Variants in LRRC7 observed in about 807,000 individuals in gnomAD.
The protein encoded by LRRC7 is leucine rich repeat containing 7.
A neutral mutation model predicts 175.7 loss-of-function variants in LRRC7; 23 were observed. The ratio of observed to expected loss-of-function variants is 0.13; its 90% CI spans 0.09 to 0.19. The LOEUF (loss-of-function observed/expected upper bound fraction) is 0.19. Among genes scored for constraint, LRRC7 ranks in the 10% least tolerant of loss-of-function variants. The pLI, the probability that LRRC7 is intolerant of heterozygous loss-of-function variation, is 1.00. For missense variants in LRRC7, 1,354 were observed against 1,904.7 expected (o/e 0.71, Z 5.38); for synonymous variants, 685 against 680.9 (o/e 1.01, Z -0.09).
chr1:69,611,056 T>C (rs1317943027), intron 1 of LRRC7, among the ~76,000 whole-genome samples: 1 of 152,002 alleles, frequency 6.6e-6, no homozygotes, highest in Non-Finnish European at 1.5e-5. Flanking sequence ...GTAAACACAT[T>C]GTGTTTTCAT....
chr1:69,704,003 T>C (rs1663708683), intron 2 of LRRC7, among the ~76,000 whole-genome samples: 2 of 152,030 alleles, frequency 1.3e-5, no homozygotes, highest in African/African-American at 4.8e-5. Flanking sequence ...ACCTTTAAGA[T>C]TTTTGTAACA....
At chr1:70,044,222 G>T (rs1660152960) in intron 22 of LRRC7, 128 bp downstream of exon 22, 1 of 858,366 alleles carries the variant, frequency 1.2e-6, no homozygotes, top group East Asian at 2.6e-5. Flanking sequence ...AAAAGCACAA[G>T]GGCAAGTAAT....
At chr1:69,774,506 T>C (rs951419200) in intron 3 of LRRC7, among the ~76,000 whole-genome samples, 1 of 152,138 alleles carries the variant, frequency 6.6e-6, no homozygotes, top group African/African-American at 2.4e-5. Flanking sequence ...GTATATGAAA[T>C]TGATGCTTAA....
intron 25 of LRRC7, among the ~76,000 whole-genome samples, chr1:70,096,901 C>T (rs1177071553): frequency 5.9e-5 from 9 of 152,270 alleles, no homozygotes; most frequent in Admixed American, 5.2e-4. Context: ...TAAATCTTTG[C>T]TGATTCTGCT....
At chr1:69,889,531 G>C (rs1645767592) in intron 7 of LRRC7, among the ~76,000 whole-genome samples, 1 of 152,120 alleles carries the variant, frequency 6.6e-6, no homozygotes, top group South Asian at 2.1e-4. Context: ...CTTTCGCTAG[G>C]TGCAGTGACT....
chr1:70,040,687 G>T (rs1342954356), intron 21 of LRRC7, among the ~76,000 whole-genome samples: 1 of 152,086 alleles, frequency 6.6e-6, no homozygotes, highest in Non-Finnish European at 1.5e-5. Flanking sequence ...GGTGGCGCAC[G>T]CCTGTAATCC....
At chr1:69,812,754 T>C (rs1678075372) in intron 4 of LRRC7, among the ~76,000 whole-genome samples, 1 of 152,172 alleles carries the variant, frequency 6.6e-6, no homozygotes, top group African/African-American at 2.4e-5. Context: ...ATATGCATTA[T>C]TCCTATTATA....
rs115331561 is a variant in LRRC7 at position 69,902,526 on chromosome 1, G to A, written c.648-28981G>A. Reference sequence around the variant, plus strand: ...GTGGAGGTTGCAGTGAGCTGAGATTGCCATTGCATTCCAGCCTGTGTGACA... The same window carrying A: ...GTGGAGGTTGCAGTGAGCTGAGATTACCATTGCATTCCAGCCTGTGTGACA... On this transcript the variant is annotated intron_variant, in intron 7 of 26. Coordinates refer to ENST00000651989, the MANE Select transcript of LRRC7 (RefSeq NM_001370785.2). 3.8e-3 allele frequency among the ~76,000 whole-genome samples: 580 copies of A among 152,178 alleles called. 3 individuals are homozygous for A. Among genetic ancestry groups the A allele is most frequent in the Non-Finnish European group, 5.8e-3 (397 of 68,018 alleles).
intron 23 of LRRC7, among the ~76,000 whole-genome samples, chr1:70,066,871 T>C (rs1662017973): frequency 6.6e-6 from 1 of 152,076 alleles, no homozygotes. Context: ...TAATTTAGTT[T>C]TTCTTCATCA....
chr1:70,018,339 T>G (rs1003470318), intron 14 of LRRC7, among the ~76,000 whole-genome samples: 2 of 152,076 alleles, frequency 1.3e-5, no homozygotes, highest in African/African-American at 2.4e-5. Flanking sequence ...TAGCATAAAT[T>G]TGATAGCAAA....
At chr1:69,883,380 T>G (rs1156614624) in intron 7 of LRRC7, among the ~76,000 whole-genome samples, 4 of 126,106 alleles carry the variant, frequency 3.2e-5, no homozygotes, top group East Asian at 2.6e-4. Flanking sequence ...ATGAGCATTT[T>G]TTCATGTGTT....
chr1:69,809,648 G>A (rs940372438), intron 4 of LRRC7, among the ~76,000 whole-genome samples: 10 of 151,966 alleles, frequency 6.6e-5, no homozygotes, highest in Non-Finnish European at 1.3e-4. Context: ...GTAATCCATC[G>A]CATAAACAGA....
At position 70,138,124 on chromosome 1, in the gene LRRC7, T is replaced by G. The variant is rs1666938585; in HGVS notation, c.*16237T>G. 6.6e-6 allele frequency: 1 copy of G among 152,224 alleles called. No individual in the cohort carries two copies. Among genetic ancestry groups the G allele is most frequent in the South Asian group, 2.1e-4 (1 of 4,826 alleles). The allele number at this position is 152,224 out of a possible 1,614,324, so 9.4% of individuals were successfully genotyped here. ...TTTCCTTGTAGAAACTTAGTGTCAT[T>G]GCGCATCAACTTAGAAAATGTGAAT... On this transcript the variant is annotated 3_prime_UTR_variant, in exon 27 of 27. Coordinates refer to ENST00000651989, the MANE Select transcript of LRRC7 (RefSeq NM_001370785.2).
In LRRC7 at chr1:69,870,665, A is replaced by G. The variant is rs572422715; in HGVS notation, c.647+32382A>G. Among the ~76,000 whole-genome samples the G allele has an allele frequency of 9.9e-5, 15 of 152,120 alleles. 1 individual carries two copies. The South Asian group carries it at 3.1e-3, about 32-fold the overall frequency. On this transcript the variant is annotated intron_variant, in intron 7 of 26. Coordinates refer to ENST00000651989, the MANE Select transcript of LRRC7 (RefSeq NM_001370785.2). Reference sequence around the variant, plus strand: ...CCTAGAATTCCTTCTCTTTTTTTGTATAGTAAACGCTTATGGAGAAATAAA... The same window carrying G: ...CCTAGAATTCCTTCTCTTTTTTTGTGTAGTAAACGCTTATGGAGAAATAAA...
rs192576403 is a variant in LRRC7, at chr1:70,128,080, G to A, written c.*6193G>A. Among the ~76,000 whole-genome samples the A allele has an allele frequency of 6.6e-6, 1 of 152,168 alleles. No homozygotes were observed. The highest frequency in any genetic ancestry group is 1.9e-4 in the East Asian group (1 of 5,164). On this transcript the variant is annotated 3_prime_UTR_variant, in exon 27 of 27. Transcript: ENST00000651989. Reference sequence around the variant, plus strand: ...GAGTTCAGGCAATTCTCATGTCTCAGCCTCCTGAGTAGCTGGGATTACAGG... The same window carrying A: ...GAGTTCAGGCAATTCTCATGTCTCAACCTCCTGAGTAGCTGGGATTACAGG...
At chr1:69,618,155 G>T (rs1649984418) in intron 1 of LRRC7, among the ~76,000 whole-genome samples, 1 of 152,018 alleles carries the variant, frequency 6.6e-6, no homozygotes. Context: ...AGGAACTCTG[G>T]CTCCAAGCTC....
intron 25 of LRRC7, among the ~76,000 whole-genome samples, chr1:70,094,369 G>A (rs1664240770): frequency 6.6e-6 from 1 of 151,786 alleles, no homozygotes; most frequent in Admixed American, 6.6e-5. Flanking sequence ...CCATAGAAAT[G>A]ATAGAAAAAA....
intron 7 of LRRC7, among the ~76,000 whole-genome samples, chr1:69,841,316 C>A (rs187115241): frequency 6.6e-6 from 1 of 152,068 alleles, no homozygotes; most frequent in Admixed American, 6.6e-5. Flanking sequence ...AAGCCTTGGT[C>A]TTCTTATAAT....
At chr1:69,641,464 T>C (rs1654194166) in intron 1 of LRRC7, among the ~76,000 whole-genome samples, 1 of 151,566 alleles carries the variant, frequency 6.6e-6, no homozygotes, top group Non-Finnish European at 1.5e-5. Flanking sequence ...AAACATTAGC[T>C]TTAAGAAATA....
Sources: allele counts gnomAD v4.1 joint callset (sites outside exome capture counted in the v4.1 genomes callset), GRCh38; gene constraint gnomAD v4.1.1; transcripts MANE v1.5; gene names NCBI Gene and HGNC (gene_info 2026-07-23, HGNC 2026-07-21).